Variants in DPP6 observed in about 807,000 individuals in gnomAD.
DPP6 encodes A-type potassium channel modulatory protein DPP6.
In DPP6, 69 loss-of-function variants were observed where a neutral mutation model predicts 122.6. That is an observed-to-expected ratio of 0.56 (90% CI 0.46 to 0.69). The LOEUF is 0.69. Among genes scored for constraint, DPP6 ranks in the 30% least tolerant of loss-of-function variants. The pLI is 0.00. For synonymous variants in DPP6, 418 were observed against 433.1 expected, an observed-to-expected ratio of 0.97 and a Z score of 0.43; for missense variants, 928 against 1,116.9, an observed-to-expected ratio of 0.83 and a Z score of 2.41.
At chr7:154,555,675 C>G (rs570373110) in intron 4 of DPP6, among the ~76,000 whole-genome samples, 2 of 151,826 alleles carry the variant, frequency 1.3e-5, no homozygotes, top group East Asian at 3.9e-4. Context: ...AAGAACATAT[C>G]TTAATATGGC....
At chr7:154,215,573 G>T (rs534192115) in intron 1 of DPP6, among the ~76,000 whole-genome samples, 89 of 152,256 alleles carry the variant, frequency 5.8e-4, no homozygotes, top group Non-Finnish European at 9.9e-4. Flanking sequence ...ACTTTATCTT[G>T]TCTCTCCCAG....
intron 1 of DPP6, among the ~76,000 whole-genome samples, chr7:153,985,450 C>T (rs1796795601): frequency 6.6e-6 from 1 of 152,218 alleles, no homozygotes; most frequent in African/African-American, 2.4e-5. Context: ...GGACTAATGT[C>T]ATTGCTCCCC....
intron 1 of DPP6, among the ~76,000 whole-genome samples, chr7:153,974,976 C>T (rs981416949): frequency 9.8e-5 from 15 of 152,306 alleles, no homozygotes; most frequent in South Asian, 4.1e-4. Context: ...CATGTCCAAG[C>T]GAGGGCTCAC....
the DPP6 span, among the ~76,000 whole-genome samples, chr7:153,812,088 C>T: frequency 1.3e-5 from 2 of 152,200 alleles, no homozygotes; most frequent in Admixed American, 6.5e-5. Flanking sequence ...ACCGGATCTC[C>T]GTGGGCACTT....
At chr7:154,605,800 G>T (rs1833568303) in intron 5 of DPP6, among the ~76,000 whole-genome samples, 1 of 118,192 alleles carries the variant, frequency 8.5e-6, no homozygotes, top group African/African-American at 2.7e-5. Flanking sequence ...TTTATTTTCA[G>T]TTTTCTATCC....
chr7:154,425,663 G>A (rs13240151), intron 1 of DPP6, among the ~76,000 whole-genome samples: 1 of 146,542 alleles, frequency 6.8e-6, no homozygotes, highest in Non-Finnish European at 1.5e-5. Context: ...TGTTTACTGA[G>A]ATGGAGTCTC....
intron 10 of DPP6, among the ~76,000 whole-genome samples, chr7:154,791,656 TAAC>T (rs1314327316): frequency 6.6e-6 from 1 of 152,146 alleles, no homozygotes; most frequent in Non-Finnish European, 1.5e-5. Context: ...TTCTAGAAAA[TAAC>T]AAACCACACC....
chr7:153,817,765 G>A, the DPP6 span, among the ~76,000 whole-genome samples: 13 of 122,064 alleles, frequency 1.1e-4, no homozygotes, highest in Admixed American at 8.1e-4. Flanking sequence ...AGGGCCTGTC[G>A]TGGGGTGGGG....
intron 1 of DPP6, among the ~76,000 whole-genome samples, chr7:154,212,117 A>G (rs1448422348): frequency 6.6e-6 from 1 of 152,096 alleles, no homozygotes; most frequent in Non-Finnish European, 1.5e-5. Flanking sequence ...GTGCTGGACA[A>G]TCGAGTATGA....
chr7:154,281,857 G>A (rs964970962), intron 1 of DPP6, among the ~76,000 whole-genome samples: 1 of 152,158 alleles, frequency 6.6e-6, no homozygotes, highest in African/African-American at 2.4e-5. Flanking sequence ...ACTGCATCTT[G>A]CTACCTGAGA....
At chr7:154,587,879 G>A (rs1240456422) in intron 5 of DPP6, 1 of 1,612,900 alleles carries the variant, frequency 6.2e-7, no homozygotes, top group East Asian at 2.2e-5. Context: ...GATATTCCAT[G>A]GAGACCCTGG....
At chr7:154,185,602 T>C (rs1328086432) in intron 1 of DPP6, among the ~76,000 whole-genome samples, 1 of 152,168 alleles carries the variant, frequency 6.6e-6, no homozygotes, top group Non-Finnish European at 1.5e-5. Context: ...AATGCTAGGA[T>C]TGTCATCCTG....
chr7:153,929,196 C>T (rs1801061108), intron 1 of DPP6, among the ~76,000 whole-genome samples: 1 of 152,058 alleles, frequency 6.6e-6, no homozygotes, highest in African/African-American at 2.4e-5. Context: ...GAGGCTGTTT[C>T]TCTAATTCAG....
At chr7:153,784,358 A>G in the DPP6 span, among the ~76,000 whole-genome samples, 2 of 152,240 alleles carry the variant, frequency 1.3e-5, no homozygotes, top group African/African-American at 4.8e-5. Flanking sequence ...GATAGTTAAA[A>G]TGATAAAGAA....
intron 1 of DPP6, among the ~76,000 whole-genome samples, chr7:154,227,232 C>CACACACACACACACACACA (rs1236797908): frequency 9.4e-4 from 1 of 1,066 alleles, no homozygotes; most frequent in Non-Finnish European, 2.5e-3. Context: ...ACACACACAC[C>CACACACACACACACACACA]CCTAGGAATA....
intron 1 of DPP6, among the ~76,000 whole-genome samples, chr7:154,263,598 C>A (rs1803175104): frequency 6.6e-6 from 1 of 152,166 alleles, no homozygotes; most frequent in South Asian, 2.1e-4. Flanking sequence ...CCTATTTCTG[C>A]ACTTCCTCCT....
At chr7:154,445,336 T>C (rs1388806911) in intron 1 of DPP6, among the ~76,000 whole-genome samples, 1 of 152,208 alleles carries the variant, frequency 6.6e-6, no homozygotes, top group Non-Finnish European at 1.5e-5. Flanking sequence ...GTAACTATTA[T>C]ATTTATTACT....
chr7:154,309,529 G>A (rs747465546), intron 1 of DPP6, among the ~76,000 whole-genome samples: 1 of 152,194 alleles, frequency 6.6e-6, no homozygotes, highest in Non-Finnish European at 1.5e-5. Flanking sequence ...GGGCACATAG[G>A]TAATGGCCCA....
chr7:153,957,772 C>T (rs1195713974), intron 1 of DPP6, among the ~76,000 whole-genome samples: 3 of 152,170 alleles, frequency 2.0e-5, no homozygotes, highest in Non-Finnish European at 4.4e-5. Context: ...TCATCTGAAG[C>T]AGTGTGTTAG....
Sources: gnomAD v4.1 joint callset for allele counts (sites outside exome capture counted in the v4.1 genomes callset) on GRCh38, gnomAD v4.1.1 for gene constraint, MANE v1.5 for transcripts, NCBI Gene and HGNC (gene_info 2026-07-23, HGNC 2026-07-21) for gene names.